The following GUCY1B1 variants were observed in gnomAD, a reference collection of about 807,000 sequenced individuals.
GUCY1B1 encodes guanylate cyclase soluble subunit beta-1.
Under a neutral mutation model 71.0 loss-of-function variants are expected in GUCY1B1, and 43 were observed. The observed-to-expected ratio is 0.61, with a 90% CI of 0.47 to 0.78. The LOEUF is 0.78. Among genes scored for constraint, GUCY1B1 ranks in the 30% least tolerant of loss-of-function variants. The probability of loss-of-function intolerance (pLI) is 0.00; values close to 1 mark genes in which losing one functional copy is unlikely to be tolerated. For synonymous variants in GUCY1B1, 266 were observed against 259.7 expected, an observed-to-expected ratio of 1.02 and a Z score of -0.23; for missense variants, 535 against 754.1, an observed-to-expected ratio of 0.71 and a Z score of 3.40.
chr4:155,769,668 A>G (rs1737565956), intron 2 of GUCY1B1, among the ~76,000 whole-genome samples: 1 of 152,162 alleles, frequency 6.6e-6, no homozygotes. Context: ...ACTCTTGAAC[A>G]CAGTTTAATC....
rs1050676369 is a variant in GUCY1B1, at chr4:155,794,077, T to C, written c.717T>C (p.Val239=). 2 of 1,574,030 alleles carry C rather than the reference T, an allele frequency of 1.3e-6. No individual in the cohort carries two copies. Among genetic ancestry groups the C allele is most frequent in the African/African-American group, 2.7e-5 (2 of 74,230 alleles). ...AGTGTGGCAATGCTATATACAGAGT[T>C]CTCCCCCAGGTAAAATGACAGCATA... ...VTQCGNAIYR[V]LPQLQPGNCS... is the part of the protein sequence containing the mutation. Residue 239 remains valine, a synonymous_variant, in exon 6 of 14, where the codon GTT becomes GTC. Transcript: ENST00000264424.
At position 155,793,954 on chromosome 4, in the gene GUCY1B1, T is replaced by A; in HGVS notation, c.594T>A (p.Phe198Leu). 6.2e-7 allele frequency: 1 copy of A among 1,601,568 alleles called. No individual in the cohort carries two copies. Among genetic ancestry groups the A allele is most frequent in the Non-Finnish European group, 8.6e-7 (1 of 1,168,600 alleles). Reference sequence around the variant, plus strand: ...ATTTTTATGAAGATCTTGACAGATTTGAAGAAAATGGTACCCAGGAATCAC... The same window carrying A: ...ATTTTTATGAAGATCTTGACAGATTAGAAGAAAATGGTACCCAGGAATCAC... The part of the protein sequence containing the change: ...EEDFYEDLDR[F>L]EENGTQESRI... Residue 198 changes from phenylalanine to leucine, a missense_variant, in exon 6 of 14, where the codon TTT becomes TTA. Phe to Leu is a conservative substitution (Grantham distance 22, BLOSUM62 0). Transcript: ENST00000264424.
rs546853972 is a variant in GUCY1B1 at position 155,797,258 on chromosome 4, C to G, written c.977+748C>G. Among the ~76,000 whole-genome samples the G allele has an allele frequency of 1.1e-3, 161 of 152,212 alleles. 1 individual carries two copies. Among genetic ancestry groups the G allele is most frequent in the African/African-American group, 3.7e-3 (155 of 41,552 alleles). ...AAAGTGTAGGTGCATTATGTAGTAA[C>G]ACAGTCAAGAAGGCATGTTTTGGTG... is the stretch of plus-strand genomic sequence containing the variant. On this transcript the variant is annotated intron_variant, in intron 8 of 13. Transcript: ENST00000264424.
chr4:155,800,142 TGA>T, intron 9 of GUCY1B1, 68 bp downstream of exon 9: 1 of 1,074,688 alleles, frequency 9.3e-7, no homozygotes, highest in Non-Finnish European at 1.3e-6. Context: ...TATTTAAGTT[TGA>T]GAACCAGACT....
At chr4:155,803,853 G>A (rs1458912682) in intron 11 of GUCY1B1, 89 bp downstream of exon 11, 4 of 800,196 alleles carry the variant, frequency 5.0e-6, no homozygotes, top group Non-Finnish European at 7.4e-6. Flanking sequence ...TCATTAACGT[G>A]TATAAAGAAG....
chr4:155,765,886 T>C (rs888888344), intron 2 of GUCY1B1, among the ~76,000 whole-genome samples: 1 of 152,158 alleles, frequency 6.6e-6, no homozygotes, highest in Non-Finnish European at 1.5e-5. Flanking sequence ...CCTCTCAGCT[T>C]TGAGATGTCA....
At chr4:155,804,446 G>A (rs1740172230) in intron 11 of GUCY1B1, 147 bp from the exon 12 acceptor site, 1 of 626,280 alleles carries the variant, frequency 1.6e-6, no homozygotes, top group Non-Finnish European at 2.8e-6. Flanking sequence ...GGGTTGATAG[G>A]TGCAGCAAAC....
At chr4:155,771,018 T>C (rs1279181802) in intron 2 of GUCY1B1, among the ~76,000 whole-genome samples, 4 of 152,180 alleles carry the variant, frequency 2.6e-5, no homozygotes, top group Non-Finnish European at 5.9e-5. Context: ...CCTCTTTTGT[T>C]CATTGATATA....
At chr4:155,785,211 T>C (rs913982351) in intron 4 of GUCY1B1, 4 of 697,680 alleles carry the variant, frequency 5.7e-6, no homozygotes, top group African/African-American at 5.5e-5. Context: ...TCAAAATAGA[T>C]GAATGGACCT....
intron 13 of GUCY1B1, 61 bp downstream of exon 13, chr4:155,805,290 A>C (rs2111186082): frequency 7.5e-7 from 1 of 1,328,194 alleles, no homozygotes. Flanking sequence ...GGAAAACTAA[A>C]GCAAAATCAC....
chr4:155,768,449 CTTGT>C (rs954238284), intron 2 of GUCY1B1, among the ~76,000 whole-genome samples: 3 of 121,594 alleles, frequency 2.5e-5, no homozygotes, highest in Admixed American at 8.9e-5. Context: ...TGTTTGATTA[CTTGT>C]TTGTTTTTTT....
intron 7 of GUCY1B1, among the ~76,000 whole-genome samples, chr4:155,795,703 C>T (rs913575217): frequency 6.6e-6 from 1 of 152,048 alleles, no homozygotes; most frequent in Non-Finnish European, 1.5e-5. Context: ...GGCCTTGTTT[C>T]ACATCAAAAA....
chr4:155,799,383 A>C (rs910023019), intron 8 of GUCY1B1, among the ~76,000 whole-genome samples: 11 of 152,202 alleles, frequency 7.2e-5, no homozygotes, highest in African/African-American at 2.4e-4. Flanking sequence ...CTGGGTCATA[A>C]ACGTGGTTGG....
At chr4:155,780,750 T>TTA (rs397825305) in intron 4 of GUCY1B1, among the ~76,000 whole-genome samples, 1 of 151,924 alleles carries the variant, frequency 6.6e-6, no homozygotes, top group East Asian at 1.9e-4. Flanking sequence ...TAATTTTTTT[T>TTA]ACGGATGAAT....
intron 13 of GUCY1B1, among the ~76,000 whole-genome samples, chr4:155,805,523 C>A (rs1215847170): frequency 6.6e-6 from 1 of 152,074 alleles, no homozygotes; most frequent in East Asian, 1.9e-4. Flanking sequence ...CCTCTGTAGT[C>A]TGGCTCAAAG....
chr4:155,769,565 A>C (rs1318148758), intron 2 of GUCY1B1, among the ~76,000 whole-genome samples: 1 of 152,198 alleles, frequency 6.6e-6, no homozygotes, highest in Non-Finnish European at 1.5e-5. Context: ...ACTTTTAAAA[A>C]TAAAAATAAT....
At chr4:155,805,066 A>T (rs1166974060) in intron 12 of GUCY1B1, 37 bp from the exon 13 acceptor site, 5 of 1,584,588 alleles carry the variant, frequency 3.2e-6, no homozygotes, top group Non-Finnish European at 4.3e-6. Context: ...AAACTTGTGT[A>T]TACTTCTCTC....
chr4:155,780,802 T>A (rs541737498), intron 4 of GUCY1B1, among the ~76,000 whole-genome samples: 2 of 152,314 alleles, frequency 1.3e-5, no homozygotes, highest in East Asian at 3.9e-4. Flanking sequence ...ACTAGACCAA[T>A]TTCCTTTTCA....
At position 155,804,750 on chromosome 4, in the gene GUCY1B1, G is replaced by A. The variant is rs189819930; in HGVS notation, c.1709+3G>A. ...AATGTGTCTGAATATACATACAGGT[G>A]AGAGAAAATGTCTTGGTATTTACTG... is the stretch of plus-strand genomic sequence containing the variant. On this transcript the variant is annotated splice_donor_region_variant and intron_variant, in intron 12 of 13. Coordinates refer to ENST00000264424, the MANE Select transcript of GUCY1B1 (RefSeq NM_000857.5). 1 of 1,608,712 alleles carries A rather than the reference G, an allele frequency of 6.2e-7. No homozygotes were observed. The highest frequency in any genetic ancestry group is 1.3e-5 in the African/African-American group (1 of 74,920).
Sources: allele counts gnomAD v4.1 joint callset (sites outside exome capture counted in the v4.1 genomes callset), GRCh38; gene constraint gnomAD v4.1.1; transcripts MANE v1.5; gene names NCBI Gene and HGNC (gene_info 2026-07-23, HGNC 2026-07-21).